FBN2: variants seen among roughly 807,000 people sequenced by gnomAD.
FBN2 encodes the protein fibrillin-2.
Under a neutral mutation model 355.6 loss-of-function variants are expected in FBN2, and 105 were observed. The observed-to-expected ratio is 0.30, with a 90% CI of 0.25 to 0.35. FBN2 has a LOEUF of 0.35. FBN2 is among the 10% of genes least tolerant of loss of function. FBN2 has a pLI of 1.00. For synonymous variants in FBN2, 1,350 were observed against 1,301.2 expected (o/e 1.04, Z -0.81); for missense variants, 3,280 against 3,758.7 (o/e 0.87, Z 3.33).
rs1749167790 is a variant in FBN2 at position 128,286,903 on chromosome 5, C to T, written c.6881-54G>A. 3.2e-6 allele frequency: 5 copies of T among 1,557,578 alleles called. No homozygotes were observed. In the African/African-American group the frequency reaches 4.2e-5, roughly 13 times the overall value. On this transcript the variant is annotated intron_variant, in intron 54 of 64. Transcript: ENST00000262464. Reference sequence around the variant, plus strand: ...ATCTGGAGCAAGCTGTAGTTTAGTACTTTTAAGTCACAGGTGTGGTCTTCT... The same window carrying T: ...ATCTGGAGCAAGCTGTAGTTTAGTATTTTTAAGTCACAGGTGTGGTCTTCT...
chr5:128,472,226 T>C (rs570175495), intron 5 of FBN2, among the ~76,000 whole-genome samples: 2 of 152,322 alleles, frequency 1.3e-5, no homozygotes, highest in African/African-American at 4.8e-5. Flanking sequence ...GGATGAACTT[T>C]GTGCATATTG....
intron 48 of FBN2, among the ~76,000 whole-genome samples, chr5:128,292,113 C>T (rs981674141): frequency 1.3e-5 from 2 of 152,166 alleles, no homozygotes; most frequent in African/African-American, 4.8e-5. Flanking sequence ...AGTACTTCCA[C>T]AGCCATCATC....
chr5:128,278,495 C>G, intron 57 of FBN2, 140 bp downstream of exon 57: 1 of 732,712 alleles, frequency 1.4e-6, no homozygotes, highest in Non-Finnish European at 2.3e-6. Flanking sequence ...TATGAAAACA[C>G]ACATCAAATA....
chr5:128,349,496 A>C (rs2126919994), intron 22 of FBN2, 24 bp from the exon 23 acceptor site: 1 of 1,612,782 alleles, frequency 6.2e-7, no homozygotes, highest in East Asian at 2.2e-5. Flanking sequence ...CAGCAAGCAG[A>C]GGAGCAAAGA....
chr5:128,317,165 C>A (rs999640977), intron 36 of FBN2, among the ~76,000 whole-genome samples: 8 of 152,236 alleles, frequency 5.3e-5, no homozygotes, highest in African/African-American at 1.9e-4. Context: ...TGTGACTCCC[C>A]CATCCCTAAT....
intron 5 of FBN2, among the ~76,000 whole-genome samples, chr5:128,491,958 A>C (rs2127126996): frequency 6.6e-6 from 1 of 152,312 alleles, no homozygotes; most frequent in Admixed American, 6.5e-5. Flanking sequence ...TCTATGATCT[A>C]TAAATTCTCT....
Position 128,377,818 on chromosome 5 carries a change from C to T in FBN2, c.1783G>A (p.Asp595Asn). Residue 595 changes from aspartate to asparagine, a missense_variant, in exon 13 of 65, where the codon GAT (aspartate) becomes AAT (asparagine). Asp to Asn is a conservative substitution (Grantham distance 23). Coordinates refer to ENST00000262464, the MANE Select transcript of FBN2 (RefSeq NM_001999.4). Reference sequence around the variant, plus strand: ...TTGCAAATGCACTGGAAACTTCCATCTGTGTTCACGCATCGACCGTTTTTA... The same window carrying T: ...TTGCAAATGCACTGGAAACTTCCATTTGTGTTCACGCATCGACCGTTTTTA... The part of the protein sequence containing the change: ...LCKNGRCVNT[D>N]GSFQCICNAG... 1 of 1,613,622 alleles carries T rather than the reference C, an allele frequency of 6.2e-7. No individual in the cohort carries two copies. Among genetic ancestry groups the T allele is most frequent in the Non-Finnish European group, 8.5e-7 (1 of 1,179,642 alleles).
At chr5:128,281,595 A>G (rs1765545969) in intron 55 of FBN2, among the ~76,000 whole-genome samples, 1 of 152,156 alleles carries the variant, frequency 6.6e-6, no homozygotes, top group Non-Finnish European at 1.5e-5. Context: ...AATGAGGCTT[A>G]CTGGTTTCTT....
In FBN2 at chr5:128,438,813, C is replaced by T. The variant is rs1054296764; in HGVS notation, c.952+7668G>A. Reference sequence around the variant, plus strand: ...TTTTAAATTTTTTGAATAAGTAATACATTTACATGGTTCAAAGTCAAAAAC... The same window carrying T: ...TTTTAAATTTTTTGAATAAGTAATATATTTACATGGTTCAAAGTCAAAAAC... On this transcript the variant is annotated intron_variant, in intron 7 of 64. Transcript: ENST00000262464. Among the ~76,000 whole-genome samples, 3 of 152,198 alleles carry T rather than the reference C, an allele frequency of 2.0e-5. No individual in the cohort carries two copies. In the South Asian group the frequency reaches 6.2e-4, roughly 32 times the overall value.
chr5:128,361,901 A>C (rs1050382797), intron 18 of FBN2, 53 bp from the exon 19 acceptor site: 1 of 1,549,524 alleles, frequency 6.5e-7, no homozygotes, highest in African/African-American at 1.4e-5. Context: ...CATCTATTAC[A>C]GTGGGCAGCA....
At chr5:128,293,884 T>C (rs930591857) in intron 48 of FBN2, among the ~76,000 whole-genome samples, 1 of 152,038 alleles carries the variant, frequency 6.6e-6, no homozygotes, top group Non-Finnish European at 1.5e-5. Context: ...ATGTGCACAA[T>C]GTGCAGGTTA....
intron 5 of FBN2, among the ~76,000 whole-genome samples, chr5:128,494,396 A>G (rs1280038680): frequency 6.6e-6 from 1 of 152,188 alleles, no homozygotes; most frequent in African/African-American, 2.4e-5. Context: ...CAGCTAAGCC[A>G]TGGCCAGTTA....
chr5:128,425,606 T>C (rs113692401), intron 7 of FBN2, among the ~76,000 whole-genome samples: 4,527 of 152,290 alleles, frequency 0.03, 102 homozygotes, highest in South Asian at 0.056. Flanking sequence ...TTAAGAAGTA[T>C]TGATCTTTTA....
At chr5:128,519,579 T>C (rs1339755067) in intron 4 of FBN2, among the ~76,000 whole-genome samples, 1 of 152,098 alleles carries the variant, frequency 6.6e-6, no homozygotes, top group Non-Finnish European at 1.5e-5. Flanking sequence ...CTTACATACT[T>C]CATGTAAATC....
intron 33 of FBN2, among the ~76,000 whole-genome samples, chr5:128,329,067 T>C (rs1282274316): frequency 6.6e-6 from 1 of 152,184 alleles, no homozygotes; most frequent in African/African-American, 2.4e-5. Context: ...CATCCAATTG[T>C]AATATTATTA....
At chr5:128,487,921 T>A (rs1335818191) in intron 5 of FBN2, among the ~76,000 whole-genome samples, 1 of 152,148 alleles carries the variant, frequency 6.6e-6, no homozygotes, top group Non-Finnish European at 1.5e-5. Context: ...TCTTGATTTA[T>A]CACAAAAACC....
At chr5:128,376,883 A>T in intron 13 of FBN2, 30 bp from the exon 14 acceptor site, 1 of 1,611,588 alleles carries the variant, frequency 6.2e-7, no homozygotes, top group East Asian at 2.2e-5. Flanking sequence ...GACTTTGAAC[A>T]CTGGCCTTGA....
chr5:128,281,836 C>T (rs1188813009), intron 55 of FBN2, among the ~76,000 whole-genome samples: 1 of 152,098 alleles, frequency 6.6e-6, no homozygotes, highest in Non-Finnish European at 1.5e-5. Context: ...CAGGCGCCCG[C>T]CACCACGCCC....
chr5:128,376,712 A>G lies in FBN2; in HGVS notation c.1972+19T>C. The G allele has an allele frequency of 6.2e-7, 1 of 1,613,436 alleles. No homozygotes were observed. The highest frequency in any genetic ancestry group is 1.1e-5 in the South Asian group (1 of 91,080). ...TGGTTTCAATCATGGTCACTTTCCT[A>G]TCTGAAAGCCACACATACCAGTACA... On this transcript the variant is annotated intron_variant, in intron 14 of 64. Coordinates refer to ENST00000262464, the MANE Select transcript of FBN2 (RefSeq NM_001999.4).
Sources: gnomAD v4.1 joint callset for allele counts (sites outside exome capture counted in the v4.1 genomes callset) on GRCh38, gnomAD v4.1.1 for gene constraint, MANE v1.5 for transcripts, NCBI Gene and HGNC (gene_info 2026-07-23, HGNC 2026-07-21) for gene names.